Variants in TAOK1 observed in about 807,000 individuals in gnomAD.
TAOK1 encodes serine/threonine-protein kinase TAO1.
In TAOK1, 21 loss-of-function variants were observed where a neutral mutation model predicts 138.3. The ratio of observed to expected loss-of-function variants is 0.15; its 90% CI spans 0.11 to 0.22. TAOK1 has a LOEUF of 0.22. Among genes scored for constraint, TAOK1 ranks in the 10% least tolerant of loss-of-function variants. The probability of loss-of-function intolerance (pLI) is 1.00; values close to 1 mark genes in which losing one functional copy is unlikely to be tolerated. For missense variants in TAOK1, 651 were observed against 1,227.7 expected (o/e 0.53, Z 7.02); for synonymous variants, 361 against 398.4 (o/e 0.91, Z 1.12).
At position 29,543,842 on chromosome 17, in the gene TAOK1, C is replaced by G. The variant is rs1478092673; in HGVS notation, c.*820C>G. ...ACAAGTTGTGTGAGGATTGCATTAA[C>G]AAACCTATGAGCCTTCAATGGGGAA... On this transcript the variant is annotated 3_prime_UTR_variant, in exon 20 of 20. Coordinates refer to ENST00000261716, the MANE Select transcript of TAOK1 (RefSeq NM_020791.4). 1.3e-5 allele frequency: 2 copies of G among 152,104 alleles called. No individual in the cohort carries two copies. Among genetic ancestry groups the G allele is most frequent in the Non-Finnish European group, 2.9e-5 (2 of 68,016 alleles). The allele number at this position is 152,104 out of a possible 1,614,324, so 9.4% of individuals were successfully genotyped here.
At chr17:29,528,861 A>G (rs544830881) in intron 17 of TAOK1, among the ~76,000 whole-genome samples, 2 of 151,156 alleles carry the variant, frequency 1.3e-5, no homozygotes, top group East Asian at 1.9e-4. Context: ...AAAAAAAAAA[A>G]AAAGAAATTG....
chr17:29,504,919 A>G (rs892156158), intron 13 of TAOK1, among the ~76,000 whole-genome samples: 1 of 152,156 alleles, frequency 6.6e-6, no homozygotes, highest in Non-Finnish European at 1.5e-5. Flanking sequence ...TTGCATGACT[A>G]TTTTGATAAA....
intron 1 of TAOK1, among the ~76,000 whole-genome samples, chr17:29,430,589 G>C (rs970550458): frequency 6.6e-6 from 1 of 152,170 alleles, no homozygotes; most frequent in East Asian, 1.9e-4. Flanking sequence ...AGGTCAAAGG[G>C]AGTCGCCTCT....
intron 1 of TAOK1, among the ~76,000 whole-genome samples, chr17:29,450,099 A>G (rs1276375607): frequency 7.2e-6 from 1 of 139,388 alleles, no homozygotes. Flanking sequence ...CCTTTCTTTC[A>G]TCTAACAAAC....
chr17:29,530,553 C>T lies in TAOK1; in HGVS notation c.2295C>T (p.Thr765=), dbSNP rs1316404970. ...TGAAACGGCTCAAGGAGGAACAGACCCGGAAATTAGCTATCTTGGCTGAGC... is the reference window on the plus strand; with the variant it reads ...TGAAACGGCTCAAGGAGGAACAGACTCGGAAATTAGCTATCTTGGCTGAGC... ...AVLKRLKEEQ[T]RKLAILAEQY... The change falls in exon 18 of 20, where the codon ACC becomes ACT. Residue 765 remains threonine (T), a synonymous_variant. Transcript: ENST00000261716. 6.2e-7 allele frequency: 1 copy of T among 1,614,082 alleles called. No homozygotes were observed. The highest frequency in any genetic ancestry group is 8.5e-7 in the Non-Finnish European group (1 of 1,180,018).
chr17:29,471,670 G>A (rs907624525), intron 3 of TAOK1, among the ~76,000 whole-genome samples: 2 of 152,122 alleles, frequency 1.3e-5, no homozygotes, highest in Non-Finnish European at 2.9e-5. Context: ...CTTCCATGTT[G>A]ATGGCTTCTG....
intron 13 of TAOK1, 99 bp from the exon 14 acceptor site, chr17:29,507,797 A>C: frequency 9.3e-7 from 1 of 1,069,664 alleles, no homozygotes; most frequent in East Asian, 2.6e-5. Context: ...GGGATATTTT[A>C]CACTAATTCC....
intron 1 of TAOK1, among the ~76,000 whole-genome samples, chr17:29,438,532 A>C (rs1172147428): frequency 1.3e-5 from 2 of 152,160 alleles, no homozygotes; most frequent in African/African-American, 4.8e-5. Context: ...AAATACAAAA[A>C]TCAGTTGGGC....
chr17:29,527,882 A>G (rs2032038126), intron 17 of TAOK1, among the ~76,000 whole-genome samples: 1 of 152,220 alleles, frequency 6.6e-6, no homozygotes, highest in African/African-American at 2.4e-5. Context: ...ACCAAACACT[A>G]AAGCCAAAGA....
rs58117433 is a variant in TAOK1, at chr17:29,394,150, G to GTTTTTTTTTTTTTTTTTTTTTTT, written c.-95+3137_-95+3159dup. On this transcript the variant is annotated intron_variant, in intron 1 of 19. Transcript: ENST00000261716. Reference sequence around the variant, plus strand: ...TATGATTTATTTTAATAATTTGCCAGTTTTTTTTTTTTTTTTTTTTTTTTT... The same window carrying GTTTTTTTTTTTTTTTTTTTTTTT: ...TATGATTTATTTTAATAATTTGCCAGTTTTTTTTTTTTTTTTTTTTTTTTTTTTTTTTTTTTTTTTTTTTTTTT... 6.2e-5 allele frequency among the ~76,000 whole-genome samples: 3 copies of GTTTTTTTTTTTTTTTTTTTTTTT among 48,278 alleles called. 1 individual carries two copies. Among genetic ancestry groups the GTTTTTTTTTTTTTTTTTTTTTTT allele is most frequent in the African/African-American group, 7.8e-5 (1 of 12,766 alleles). 31.7% of individuals were successfully genotyped at this position (48,278 alleles called of 152,430 possible).
chr17:29,437,734 CTTTTT>C (rs11447325), intron 1 of TAOK1, among the ~76,000 whole-genome samples: 1 of 124,234 alleles, frequency 8.0e-6, no homozygotes, highest in Non-Finnish European at 1.6e-5. Context: ...TTATATTCTT[CTTTTT>C]TTTTTTTTTT....
chr17:29,408,825 G>C, intron 1 of TAOK1, among the ~76,000 whole-genome samples: 1 of 151,654 alleles, frequency 6.6e-6, no homozygotes, highest in East Asian at 1.9e-4. Context: ...CAATTCTCCT[G>C]CCTCAGCCTC....
At chr17:29,525,428 C>CA (rs2031993538) in intron 17 of TAOK1, among the ~76,000 whole-genome samples, 1 of 151,504 alleles carries the variant, frequency 6.6e-6, no homozygotes, top group South Asian at 2.1e-4. Context: ...CTTTCTGAAA[C>CA]AGAGTTTCGC....
intron 1 of TAOK1, among the ~76,000 whole-genome samples, chr17:29,443,266 A>G (rs1033410547): frequency 3.9e-5 from 6 of 152,192 alleles, no homozygotes; most frequent in Admixed American, 3.3e-4. Context: ...ATCATTGTTG[A>G]TTCAAGGAGC....
At chr17:29,391,939 T>G (rs1239869748) in intron 1 of TAOK1, among the ~76,000 whole-genome samples, 1 of 152,154 alleles carries the variant, frequency 6.6e-6, no homozygotes, top group Non-Finnish European at 1.5e-5. Context: ...ATTATTGGCC[T>G]GGCGCGGTGG....
intron 1 of TAOK1, among the ~76,000 whole-genome samples, chr17:29,412,556 A>T (rs1905173253): frequency 6.6e-6 from 1 of 152,052 alleles, no homozygotes; most frequent in African/African-American, 2.4e-5. Context: ...ACTTAATGAG[A>T]TATTTTCCTT....
At chr17:29,507,535 T>A (rs1162398423) in intron 13 of TAOK1, among the ~76,000 whole-genome samples, 1 of 152,222 alleles carries the variant, frequency 6.6e-6, no homozygotes, top group East Asian at 1.9e-4. Context: ...CTTGACTTTC[T>A]TGGTAGAAAA....
At chr17:29,526,951 C>T (rs1041040578) in intron 17 of TAOK1, among the ~76,000 whole-genome samples, 2 of 150,776 alleles carry the variant, frequency 1.3e-5, no homozygotes, top group African/African-American at 2.4e-5. Context: ...CAGGGTGAAA[C>T]CCCATCTCTA....
intron 17 of TAOK1, among the ~76,000 whole-genome samples, chr17:29,524,681 T>G (rs1173211396): frequency 1.3e-5 from 2 of 152,234 alleles, no homozygotes; most frequent in Non-Finnish European, 2.9e-5. Flanking sequence ...TCTATTTACT[T>G]AAGTAATCGT....
Sources: allele counts gnomAD v4.1 joint callset (sites outside exome capture counted in the v4.1 genomes callset), GRCh38; gene constraint gnomAD v4.1.1; transcripts MANE v1.5; gene names NCBI Gene and HGNC (gene_info 2026-07-23, HGNC 2026-07-21).